The following DOCK8 variants were observed in gnomAD, a reference collection of about 807,000 sequenced individuals.
The protein encoded by DOCK8 is dedicator of cytokinesis 8, also known as dedicator of cytokinesis protein 8.
In DOCK8, 141 loss-of-function variants were observed where a neutral mutation model predicts 245.6. The observed-to-expected ratio is 0.57, with a 90% CI of 0.50 to 0.66. The LOEUF is 0.66. Among genes scored for constraint, DOCK8 ranks in the 30% least tolerant of loss-of-function variants. DOCK8 has a pLI of 0.00. For synonymous variants in DOCK8, 1,168 were observed against 970.2 expected, an observed-to-expected ratio of 1.20 and a Z score of -3.79; for missense variants, 2,965 against 2,603.4, an observed-to-expected ratio of 1.14 and a Z score of -3.02.
intron 7 of DOCK8, among the ~76,000 whole-genome samples, chr9:319,596 G>C (rs1208425915): frequency 6.6e-6 from 1 of 151,992 alleles, no homozygotes; most frequent in Non-Finnish European, 1.5e-5. Flanking sequence ...AATATTAATG[G>C]CAAATGTTTT....
At chr9:410,976 A>G (rs2055695825) in intron 28 of DOCK8, among the ~76,000 whole-genome samples, 1 of 152,254 alleles carries the variant, frequency 6.6e-6, no homozygotes, top group African/African-American at 2.4e-5. Context: ...GATAACCTAG[A>G]TTAAATGGAT....
At chr9:289,423 T>A in intron 3 of DOCK8, 87 bp from the exon 4 acceptor site, 1 of 1,037,342 alleles carries the variant, frequency 9.6e-7, no homozygotes, top group Admixed American at 1.8e-5. Context: ...GGATTTAAAT[T>A]CGTGTCATGT....
At chr9:226,011 T>C (rs2046981307) in intron 1 of DOCK8, among the ~76,000 whole-genome samples, 1 of 152,142 alleles carries the variant, frequency 6.6e-6, no homozygotes, top group Non-Finnish European at 1.5e-5. Context: ...TTAAAGGCAA[T>C]GGAAAAAATT....
rs1564085049 is a variant in DOCK8, at chr9:451,906, C to CATATAT, written c.5962-101_5962-100insATATAT. The CATATAT allele has an allele frequency of 2.1e-3, 126 of 60,678 alleles. 5 individuals carry two copies. In the East Asian group the frequency reaches 0.037, roughly 18 times the overall value. 3.8% of individuals were successfully genotyped at this position (60,678 alleles called of 1,614,324 possible). A position where few individuals can be genotyped will look rare whatever the true frequency, so the allele number is the denominator to read the frequency against. On this transcript the variant is annotated intron_variant, in intron 45 of 47. Coordinates refer to ENST00000432829, the MANE Select transcript of DOCK8 (RefSeq NM_203447.4). ...ATACATATATATGCATATACATATA[C>CATATAT]ATATGCATATACATATATATGTATG...
rs1301777747 is a variant in DOCK8 at position 420,364 on chromosome 9, T to C, written c.3841-37T>C. ...TCAAATTTTTCTGTTGCTTGACTTC[T>C]TCCCTGGCCTCCATCCCCCAATCTG... On this transcript the variant is annotated intron_variant, in intron 30 of 47. Coordinates refer to ENST00000432829, the MANE Select transcript of DOCK8 (RefSeq NM_203447.4). 15 of 1,613,214 alleles carry C rather than the reference T, an allele frequency of 9.3e-6. No homozygotes were observed. The African/African-American group carries it at 1.9e-4, about 20-fold the overall frequency.
chr9:361,507 A>G (rs1164694113), intron 14 of DOCK8, among the ~76,000 whole-genome samples: 2 of 152,184 alleles, frequency 1.3e-5, no homozygotes, highest in Non-Finnish European at 2.9e-5. Flanking sequence ...CAGCCGTTTT[A>G]TTACAGATGA....
At chr9:411,463 A>T (rs1355356470) in intron 28 of DOCK8, among the ~76,000 whole-genome samples, 1 of 152,072 alleles carries the variant, frequency 6.6e-6, no homozygotes, top group Non-Finnish European at 1.5e-5. Flanking sequence ...ACTTCCTACA[A>T]TAAAAGCTCA....
intron 14 of DOCK8, among the ~76,000 whole-genome samples, chr9:356,130 C>G (rs922398347): frequency 1.3e-5 from 2 of 152,164 alleles, no homozygotes; most frequent in African/African-American, 4.8e-5. Context: ...TTAGACCCTT[C>G]AAACCACATC....
intron 2 of DOCK8, among the ~76,000 whole-genome samples, chr9:276,653 G>T (rs1042938279): frequency 6.6e-6 from 1 of 152,168 alleles, no homozygotes; most frequent in Admixed American, 6.5e-5. Flanking sequence ...AACCCTGTGT[G>T]TAGACTCACT....
At chr9:400,520 T>C (rs566091622) in intron 26 of DOCK8, among the ~76,000 whole-genome samples, 1 of 40,472 alleles carries the variant, frequency 2.5e-5, no homozygotes, top group Non-Finnish European at 4.1e-5. Context: ...CACCACCACC[T>C]CCACCATCAC....
chr9:453,363 T>TTGC (rs1196507606), intron 46 of DOCK8, among the ~76,000 whole-genome samples: 2 of 152,246 alleles, frequency 1.3e-5, no homozygotes, highest in Non-Finnish European at 2.9e-5. Flanking sequence ...GTTGTTGTTG[T>TTGC]TGTTTTTTCA....
At chr9:436,611 G>A (rs1011422388) in intron 39 of DOCK8, among the ~76,000 whole-genome samples, 5 of 152,006 alleles carry the variant, frequency 3.3e-5, no homozygotes, top group Non-Finnish European at 7.4e-5. Flanking sequence ...AAGCCTTACT[G>A]TTCTAATTTT....
In DOCK8 at chr9:404,976, G is replaced by C. The variant is rs764881104; in HGVS notation, c.3293G>C (p.Arg1098Thr). The change falls in exon 27 of 48, where the codon AGA (arginine) becomes ACA (threonine). Residue 1098 changes from arginine (R) to threonine (T), a missense_variant. By Grantham distance (71) the Arg-to-Thr change is moderately conservative (BLOSUM62 -1). Coordinates refer to ENST00000432829, the MANE Select transcript of DOCK8 (RefSeq NM_203447.4). ...TLISMRLEFL[R>T]ILCSHEHYLN... ...ATTTCCATGAGGCTAGAGTTCCTGA[G>C]AATCCTCTGTAGCCATGAGCATTAC... The C allele has an allele frequency of 1.9e-6, 3 of 1,614,056 alleles. No individual in the cohort carries two copies. The highest frequency in any genetic ancestry group is 2.5e-6 in the Non-Finnish European group (3 of 1,180,002).
chr9:303,756 C>T (rs2049672928), intron 4 of DOCK8, among the ~76,000 whole-genome samples: 1 of 152,076 alleles, frequency 6.6e-6, no homozygotes, highest in Non-Finnish European at 1.5e-5. Context: ...GCAATTTACC[C>T]ATGTAATGAA....
intron 1 of DOCK8, 128 bp from the exon 2 acceptor site, chr9:271,499 C>G (rs2048164591): frequency 5.6e-6 from 4 of 709,214 alleles, no homozygotes; most frequent in Admixed American, 2.4e-5. Flanking sequence ...GAAAAGGTAT[C>G]TTAGTCAGTT....
intron 5 of DOCK8, among the ~76,000 whole-genome samples, chr9:307,342 T>G (rs1334652528): frequency 2.9e-4 from 2 of 6,918 alleles, no homozygotes; most frequent in African/African-American, 6.0e-4. Flanking sequence ...TTTTTTGTTT[T>G]TTTTTTTTTT....
chr9:257,774 C>T (rs989617941), intron 1 of DOCK8, among the ~76,000 whole-genome samples: 1 of 152,182 alleles, frequency 6.6e-6, no homozygotes, highest in African/African-American at 2.4e-5. Flanking sequence ...ACCTCGGCCT[C>T]CTAAAGTTCT....
intron 23 of DOCK8, 81 bp downstream of exon 23, chr9:386,507 TA>T (rs2053961507): frequency 1.6e-6 from 2 of 1,235,400 alleles, no homozygotes. Context: ...TGCTTGGGAA[TA>T]GTCAAAGTGC....
intron 2 of DOCK8, among the ~76,000 whole-genome samples, chr9:276,336 A>G (rs1002678461): frequency 1.3e-5 from 2 of 152,264 alleles, no homozygotes; most frequent in Admixed American, 1.3e-4. Context: ...ATATCCTTAG[A>G]AAATACAGTG....
Sources: gnomAD v4.1 joint callset for allele counts (sites outside exome capture counted in the v4.1 genomes callset) on GRCh38, gnomAD v4.1.1 for gene constraint, MANE v1.5 for transcripts, NCBI Gene and HGNC (gene_info 2026-07-23, HGNC 2026-07-21) for gene names.